The following TOX variants were observed in gnomAD, a reference collection of about 807,000 sequenced individuals.
TOX encodes the protein thymocyte selection-associated high mobility group box protein TOX.
In TOX, 11 loss-of-function variants were observed where a neutral mutation model predicts 53.7. That is an observed-to-expected ratio of 0.20 (90% CI 0.13 to 0.34). The LOEUF (loss-of-function observed/expected upper bound fraction) is 0.34. Ranked by LOEUF, TOX falls within the 10% of genes least tolerant of loss-of-function variation. The pLI, the probability that TOX is intolerant of heterozygous loss-of-function variation, is 1.00. For missense variants in TOX, 570 were observed against 664.6 expected (o/e 0.86, Z 1.56); for synonymous variants, 225 against 245.3 (o/e 0.92, Z 0.77).
intron 3 of TOX, among the ~76,000 whole-genome samples, chr8:58,895,954 G>C (rs1355405637): frequency 1.3e-5 from 2 of 152,192 alleles, no homozygotes; most frequent in South Asian, 2.1e-4. Context: ...CAGATGACTT[G>C]TAAGTAATTA....
Position 58,851,172 on chromosome 8 carries a change from C to CTT in TOX, c.693+351_693+352insAA, listed in dbSNP as rs71557736. On this transcript the variant is annotated intron_variant, in intron 4 of 8. Transcript: ENST00000361421. The surrounding 1 kb of genome is among the most constrained non-coding windows in gnomAD (Gnocchi z 4.4). Reference sequence around the variant, plus strand: ...TCTCTCTCTCTGTCTCTCTCTCTCTCTCTCTCTCTCTCTCACACACACACA... The same window carrying CTT: ...TCTCTCTCTCTGTCTCTCTCTCTCTCTTTCTCTCTCTCTCTCACACACACACA... Among the ~76,000 whole-genome samples, 16,138 of 145,074 alleles carry CTT rather than the reference C, an allele frequency of 0.11. 948 individuals carry two copies. Among genetic ancestry groups the CTT allele is most frequent in the Middle Eastern group, 0.17 (49 of 284 alleles).
chr8:59,070,032 T>C (rs1455753013), intron 1 of TOX, among the ~76,000 whole-genome samples: 2 of 152,238 alleles, frequency 1.3e-5, no homozygotes, highest in African/African-American at 4.8e-5. Flanking sequence ...TTTAAGCATT[T>C]GTATTTTCAA....
At position 59,119,023 on chromosome 8, in the gene TOX, CT is replaced by C. The variant is rs1248570560; in HGVS notation, c.-37del. ...CATCAAGCAACTCCTTTTCTTTTTC[CT>C]TTTTTAAAAAAAAGTGTTCAGCAAA... On this transcript the variant is annotated 5_prime_UTR_variant, in exon 1 of 9. Coordinates refer to ENST00000361421, the MANE Select transcript of TOX (RefSeq NM_014729.3). 4 of 1,479,806 alleles carry C rather than the reference CT, an allele frequency of 2.7e-6. No individual in the cohort carries two copies. The highest frequency in any genetic ancestry group is 2.4e-5 in the East Asian group (1 of 41,220). The allele number at this position is 1,479,806 out of a possible 1,614,324, so 91.7% of individuals were successfully genotyped here.
At chr8:59,079,429 C>A (rs998823580) in intron 1 of TOX, among the ~76,000 whole-genome samples, 1 of 152,182 alleles carries the variant, frequency 6.6e-6, no homozygotes, top group Non-Finnish European at 1.5e-5. Context: ...TTTCTGCTGG[C>A]CTTTAACGCC....
At chr8:58,847,767 G>C (rs959098341) in intron 4 of TOX, among the ~76,000 whole-genome samples, 5 of 152,048 alleles carry the variant, frequency 3.3e-5, no homozygotes, top group Non-Finnish European at 1.5e-5. Context: ...AGTAAAGTCA[G>C]GTTACTTTCA....
At chr8:58,912,480 G>A (rs1383051551) in intron 3 of TOX, among the ~76,000 whole-genome samples, 1 of 151,994 alleles carries the variant, frequency 6.6e-6, no homozygotes, top group African/African-American at 2.4e-5. Flanking sequence ...TTCCATCTGG[G>A]GAAAAAGAGC....
At chr8:58,999,245 A>G (rs1382641491) in intron 1 of TOX, among the ~76,000 whole-genome samples, 2 of 152,214 alleles carry the variant, frequency 1.3e-5, no homozygotes, top group Admixed American at 6.5e-5. Flanking sequence ...CCAGTTCATT[A>G]AAAAGGAACC....
chr8:58,926,772 C>T (rs1279374476), intron 3 of TOX, among the ~76,000 whole-genome samples: 3 of 152,166 alleles, frequency 2.0e-5, no homozygotes, highest in African/African-American at 7.2e-5. Flanking sequence ...GCGGAGACCC[C>T]AACTCCTGGT....
At chr8:58,927,946 C>T (rs76302231) in intron 3 of TOX, among the ~76,000 whole-genome samples, 2,900 of 152,260 alleles carry the variant, frequency 0.019, 104 homozygotes, top group African/African-American at 0.065. Flanking sequence ...GGCGTACCCA[C>T]CACTCATACG....
chr8:59,110,475 A>T (rs1257793072), intron 1 of TOX, among the ~76,000 whole-genome samples: 1 of 152,160 alleles, frequency 6.6e-6, no homozygotes, highest in African/African-American at 2.4e-5. Context: ...ACTTAAGGAA[A>T]TCAGGCAGTG....
intron 1 of TOX, among the ~76,000 whole-genome samples, chr8:59,074,492 T>A (rs772537146): frequency 6.6e-6 from 1 of 152,164 alleles, no homozygotes; most frequent in African/African-American, 2.4e-5. Context: ...TGGATCAAGC[T>A]GAAAAATATC....
chr8:59,093,041 G>A (rs1048460263), intron 1 of TOX, among the ~76,000 whole-genome samples: 64 of 152,364 alleles, frequency 4.2e-4, no homozygotes, highest in African/African-American at 1.3e-3. Context: ...TTGTCGGGAA[G>A]TGGAATATGA....
chr8:58,953,717 T>C (rs899466119), intron 2 of TOX, among the ~76,000 whole-genome samples: 1 of 152,228 alleles, frequency 6.6e-6, no homozygotes, highest in African/African-American at 2.4e-5. Flanking sequence ...ATCATTCTAT[T>C]GGGTCAATGG....
intron 1 of TOX, among the ~76,000 whole-genome samples, chr8:58,998,533 A>AAACT (rs58825825): frequency 6.1e-4 from 25 of 41,222 alleles, no homozygotes; most frequent in South Asian, 3.7e-3. Flanking sequence ...ATATATATAT[A>AAACT]TATATAAATT....
At chr8:59,009,880 GA>G (rs1403991356) in intron 1 of TOX, among the ~76,000 whole-genome samples, 1 of 152,180 alleles carries the variant, frequency 6.6e-6, no homozygotes. Flanking sequence ...AGGGAGATGT[GA>G]AACTAACAAG....
chr8:58,899,382 G>T (rs1454358903), intron 3 of TOX, among the ~76,000 whole-genome samples: 1 of 152,136 alleles, frequency 6.6e-6, no homozygotes, highest in Non-Finnish European at 1.5e-5. Context: ...CTTTTTAAAA[G>T]ATATAAATTC....
rs188688943 is a variant in TOX at position 58,932,174 on chromosome 8, T to C, written c.411+7128A>G. 7.4e-4 allele frequency among the ~76,000 whole-genome samples: 112 copies of C among 152,240 alleles called. 1 individual carries two copies. Among genetic ancestry groups the C allele is most frequent in the African/African-American group, 2.5e-3 (105 of 41,556 alleles). On this transcript the variant is annotated intron_variant, in intron 3 of 8. Coordinates refer to ENST00000361421, the MANE Select transcript of TOX (RefSeq NM_014729.3). ...ACCCAACCAACCCGCATATTTATTGTATTTGGTCAAAACTAAGAACAAAAA... is the reference window on the plus strand; with the variant it reads ...ACCCAACCAACCCGCATATTTATTGCATTTGGTCAAAACTAAGAACAAAAA...
intron 5 of TOX, among the ~76,000 whole-genome samples, chr8:58,832,559 A>T (rs181256453): frequency 1.3e-5 from 2 of 152,318 alleles, no homozygotes; most frequent in African/African-American, 4.8e-5. Context: ...CTGAGCACCA[A>T]TGAGGAGGAA....
chr8:58,956,812 C>G (rs773566194), intron 2 of TOX, among the ~76,000 whole-genome samples: 1 of 152,132 alleles, frequency 6.6e-6, no homozygotes, highest in Non-Finnish European at 1.5e-5. Context: ...GACAGGGTTT[C>G]GCCATGTTGG....
Sources: allele counts gnomAD v4.1 joint callset (sites outside exome capture counted in the v4.1 genomes callset), GRCh38; gene constraint gnomAD v4.1.1; non-coding constraint Gnocchi (gnomAD v3.1); transcripts MANE v1.5; gene names NCBI Gene and HGNC (gene_info 2026-07-23, HGNC 2026-07-21).